SPPL3: variants seen among roughly 807,000 people sequenced by gnomAD.
SPPL3 encodes signal peptide peptidase like 3, also known as signal peptide peptidase-like 3.
In SPPL3, 5 loss-of-function variants were observed where a neutral mutation model predicts 42.4. The observed-to-expected ratio is 0.12, with a 90% CI of 0.06 to 0.25. The LOEUF is 0.25. SPPL3 is among the 10% of genes least tolerant of loss of function. The pLI is 1.00. For missense variants in SPPL3, 235 were observed against 489.0 expected, an observed-to-expected ratio of 0.48 and a Z score of 4.90; for synonymous variants, 195 against 181.8, an observed-to-expected ratio of 1.07 and a Z score of -0.58.
chr12:120,853,975 C>A (rs866673356), intron 1 of SPPL3, among the ~76,000 whole-genome samples: 1 of 124,362 alleles, frequency 8.0e-6, no homozygotes. Context: ...ACCACACACA[C>A]GCACACATAC....
chr12:120,857,370 T>C (rs1027792687), intron 1 of SPPL3, among the ~76,000 whole-genome samples: 3 of 152,208 alleles, frequency 2.0e-5, no homozygotes, highest in Admixed American at 6.5e-5. Context: ...TTTTACACTG[T>C]TGGTGGGAAT....
rs644757 is a variant in SPPL3 at position 120,864,409 on chromosome 12, C to T, written c.23+39436G>A. 1.7e-3 allele frequency among the ~76,000 whole-genome samples: 265 copies of T among 152,216 alleles called. 1 individual carries two copies. The highest frequency in any genetic ancestry group is 2.9e-3 in the Non-Finnish European group (200 of 68,008). On this transcript the variant is annotated intron_variant, in intron 1 of 10. Coordinates refer to ENST00000353487, the MANE Select transcript of SPPL3 (RefSeq NM_139015.5). ...AATCAGCCGGGTGTGGTGGCACATG[C>T]CTGTAATCCCAGCTACTTGGGAGGC...
chr12:120,902,448 T>A (rs984268245), intron 1 of SPPL3, among the ~76,000 whole-genome samples: 1 of 152,212 alleles, frequency 6.6e-6, no homozygotes, highest in African/African-American at 2.4e-5. Flanking sequence ...TTCTCTAGGA[T>A]AATTATAATT....
chr12:120,776,149 G>A (rs1386454897), intron 6 of SPPL3, among the ~76,000 whole-genome samples: 1 of 152,222 alleles, frequency 6.6e-6, no homozygotes, highest in East Asian at 1.9e-4. Context: ...TTCAACCAGT[G>A]CAAACTGGCA....
intron 1 of SPPL3, among the ~76,000 whole-genome samples, chr12:120,854,025 C>CACACACAT (rs1555252757): frequency 2.1e-5 from 3 of 139,572 alleles, no homozygotes; most frequent in Non-Finnish European, 4.7e-5. Flanking sequence ...CACACACACA[C>CACACACAT]GGGGAAAAAA....
chr12:120,852,699 T>A lies in SPPL3; in HGVS notation c.24-41813A>T, dbSNP rs1566060793. 7.5e-3 allele frequency among the ~76,000 whole-genome samples: 149 copies of A among 19,830 alleles called. 10 individuals carry two copies. The highest frequency in any genetic ancestry group is 0.02 in the Non-Finnish European group (121 of 5,942). 13.0% of individuals were successfully genotyped at this position (19,830 alleles called of 152,430 possible). ...ATATATGCATATATAATATACATAT[T>A]TTACATATATGAAATATATTTTATA... On this transcript the variant is annotated intron_variant, in intron 1 of 10. Transcript: ENST00000353487.
At chr12:120,814,648 A>T (rs1726483211) in intron 1 of SPPL3, among the ~76,000 whole-genome samples, 1 of 151,318 alleles carries the variant, frequency 6.6e-6, no homozygotes, top group African/African-American at 2.4e-5. Flanking sequence ...TCAAAAGTAT[A>T]TTAAAAAGTA....
intron 1 of SPPL3, chr12:120,811,571 T>G (rs1196664880): frequency 6.6e-6 from 1 of 152,232 alleles, no homozygotes; most frequent in Non-Finnish European, 1.5e-5. Context: ...GTTAGCTCCC[T>G]TCTATGGCTC....
chr12:120,768,921 AG>A (rs1401620077), intron 7 of SPPL3, 31 bp downstream of exon 7: 2 of 1,553,662 alleles, frequency 1.3e-6, no homozygotes, highest in Non-Finnish European at 8.8e-7. Flanking sequence ...AACACAAAGA[AG>A]GGGAGGAGCT....
At chr12:120,869,432 A>G (rs755129890) in intron 1 of SPPL3, among the ~76,000 whole-genome samples, 1 of 152,252 alleles carries the variant, frequency 6.6e-6, no homozygotes, top group Non-Finnish European at 1.5e-5. Flanking sequence ...TTCAAACACC[A>G]TATGAGACAG....
At chr12:120,854,815 C>A (rs1872398184) in intron 1 of SPPL3, among the ~76,000 whole-genome samples, 1 of 152,128 alleles carries the variant, frequency 6.6e-6, no homozygotes, top group Admixed American at 6.5e-5. Flanking sequence ...ACAGTCATTA[C>A]CAAGTGTTTC....
At chr12:120,766,098 GCGCACACACACACACA>G (rs1295010845) in intron 10 of SPPL3, among the ~76,000 whole-genome samples, 149 bp downstream of exon 10, 3,521 of 144,128 alleles carry the variant, frequency 0.024, 56 homozygotes, top group African/African-American at 0.045. Flanking sequence ...TAGCGCGCGC[GCGCACACACACACACA>G]CACACACACA....
At chr12:120,783,326 A>C (rs1421786707) in intron 5 of SPPL3, among the ~76,000 whole-genome samples, 1 of 152,232 alleles carries the variant, frequency 6.6e-6, no homozygotes, top group Non-Finnish European at 1.5e-5. Context: ...GACCAAAGGC[A>C]AAGAAGAACG....
At chr12:120,827,355 TATA>T (rs1378410497) in intron 1 of SPPL3, among the ~76,000 whole-genome samples, 2 of 138,710 alleles carry the variant, frequency 1.4e-5, no homozygotes, top group East Asian at 2.0e-4. Context: ...ATAATAATAA[TATA>T]ATAATATAAT....
chr12:120,783,185 T>C (rs1405241689), intron 5 of SPPL3, among the ~76,000 whole-genome samples: 1 of 152,220 alleles, frequency 6.6e-6, no homozygotes, highest in East Asian at 1.9e-4. Context: ...CTGCCACCAA[T>C]GACTGGTTTC....
intron 3 of SPPL3, among the ~76,000 whole-genome samples, chr12:120,788,028 G>A (rs1359545899): frequency 6.6e-6 from 1 of 152,162 alleles, no homozygotes; most frequent in East Asian, 1.9e-4. Flanking sequence ...ATATAACTAG[G>A]AGTGACACTG....
At chr12:120,770,185 CATGT>C (rs1275271415) in intron 6 of SPPL3, 1 of 152,332 alleles carries the variant, frequency 6.6e-6, no homozygotes, top group African/African-American at 2.4e-5. Flanking sequence ...GGACCACCGG[CATGT>C]GCCACCACAC....
In SPPL3 at chr12:120,820,229, T is replaced by G. The variant is rs191541160; in HGVS notation, c.24-9343A>C. 4.6e-5 allele frequency among the ~76,000 whole-genome samples: 7 copies of G among 152,258 alleles called. No homozygotes were observed. The East Asian group carries it at 1.2e-3, about 25-fold the overall frequency. ...AAATTATATGCAAAAAAACTTGTATTCCATGCTTACAGAAATGTTCATTTT... is the reference window on the plus strand; with the variant it reads ...AAATTATATGCAAAAAAACTTGTATGCCATGCTTACAGAAATGTTCATTTT... On this transcript the variant is annotated intron_variant, in intron 1 of 10. Transcript: ENST00000353487.
At chr12:120,771,438 C>T (rs888740413) in intron 6 of SPPL3, among the ~76,000 whole-genome samples, 4 of 152,262 alleles carry the variant, frequency 2.6e-5, no homozygotes, top group East Asian at 3.8e-4. Context: ...TTTCACAGTT[C>T]TTCACGCAAG....
Sources: gnomAD v4.1 joint callset for allele counts (sites outside exome capture counted in the v4.1 genomes callset) on GRCh38, gnomAD v4.1.1 for gene constraint, MANE v1.5 for transcripts, NCBI Gene and HGNC (gene_info 2026-07-23, HGNC 2026-07-21) for gene names.